Variants in RIC3 observed in about 807,000 individuals in gnomAD.
RIC3 encodes the protein RIC3 acetylcholine receptor chaperone.
Under a neutral mutation model 27.3 loss-of-function variants are expected in RIC3, and 28 were observed. The observed-to-expected ratio is 1.02, with a 90% CI of 0.76 to 1.41. The LOEUF (loss-of-function observed/expected upper bound fraction) is 1.41, where lower values mean the gene tolerates loss of function less well. RIC3 is among the 40% of genes most tolerant of loss of function. The pLI, the probability that RIC3 is intolerant of heterozygous loss-of-function variation, is 0.00. For synonymous variants in RIC3, 184 were observed against 160.4 expected (o/e 1.15, Z -1.11); for missense variants, 501 against 444.7 (o/e 1.13, Z -1.14).
chr11:8,159,466 A>G (rs1387902848), intron 1 of RIC3, among the ~76,000 whole-genome samples: 2 of 152,160 alleles, frequency 1.3e-5, no homozygotes, highest in Non-Finnish European at 2.9e-5. Flanking sequence ...GAGAGATGTG[A>G]GTTGACTTAA....
chr11:8,101,309 CCT>C (rs199774646), downstream of RIC3, among the ~76,000 whole-genome samples: 2,336 of 152,308 alleles, frequency 0.015, 64 homozygotes, highest in African/African-American at 0.053. Flanking sequence ...CCATCTGCCA[CCT>C]CTTTCCTGCC....
chr11:8,097,167 A>T, the RIC3 span: 275 of 1,582,578 alleles, frequency 1.7e-4, no homozygotes, highest in East Asian at 6.0e-3. Context: ...TGGATCCCAG[A>T]CCACCAATTT....
At chr11:8,162,626 CTTCTTTTTTTTTT>C (rs1330988318) in intron 1 of RIC3, among the ~76,000 whole-genome samples, 1 of 106,538 alleles carries the variant, frequency 9.4e-6, no homozygotes, top group Non-Finnish European at 1.9e-5. Flanking sequence ...CTCCATGCTT[CTTCTTTTTTTTTT>C]TTTTTTTTTT....
Position 8,110,732 on chromosome 11 carries a change from A to G in RIC3, c.1076T>C (p.Met359Thr). ...ISTDKAYTGSMLRKRNPQGLE is the reference protein window; with the variant it reads ...ISTDKAYTGSTLRKRNPQGLE ...ACCCTGGGGGTTACGCTTCCTCAGC[A>G]TGCTGCCTGTATATGCTTTATCGGT... The change falls in exon 6 of 6, where the codon ATG (methionine) becomes ACG (threonine). Residue 359 changes from methionine to threonine, a missense_variant. Transcript: ENST00000309737. 3 of 1,614,210 alleles carry G rather than the reference A, an allele frequency of 1.9e-6. No individual in the cohort carries two copies. The highest frequency in any genetic ancestry group is 1.1e-5 in the South Asian group (1 of 91,082).
At chr11:8,163,524 A>T (rs1175802373) in intron 1 of RIC3, among the ~76,000 whole-genome samples, 2 of 152,186 alleles carry the variant, frequency 1.3e-5, no homozygotes, top group East Asian at 3.8e-4. Flanking sequence ...AGACAAGTTC[A>T]GCGAGGTGAC....
At chr11:8,136,676 G>C (rs1032506073) in intron 4 of RIC3, among the ~76,000 whole-genome samples, 1 of 152,194 alleles carries the variant, frequency 6.6e-6, no homozygotes, top group African/African-American at 2.4e-5. Flanking sequence ...AAACATGAAT[G>C]CCTAATCTGA....
At chr11:8,159,026 C>T (rs1342225393) in intron 1 of RIC3, among the ~76,000 whole-genome samples, 3 of 150,690 alleles carry the variant, frequency 2.0e-5, no homozygotes, top group Admixed American at 1.3e-4. Flanking sequence ...CCACCGCGCT[C>T]GGCCACAGAG....
At chr11:8,124,108 AAAGCAAGCAAGCAAGCAAGC>A (rs201131362) in intron 5 of RIC3, among the ~76,000 whole-genome samples, 2 of 150,618 alleles carry the variant, frequency 1.3e-5, no homozygotes, top group Admixed American at 6.6e-5. Flanking sequence ...AGAAAAAGAG[AAAGCAAGCAAGCAAGCAAGC>A]AAGCAAGCAA....
In RIC3 at chr11:8,168,887, C is replaced by T; in HGVS notation, c.103G>A (p.Glu35Lys). Reference protein sequence around the residue: ...KAFLSRGKRQEPPPTPEGKLG... With the variant: ...KAFLSRGKRQKPPPTPEGKLG... ...TTACCTTCAGGTGTCGGCGGCGGCT[C>T]CTGCCGCTTCCCGCGGGACAGGAAG... Residue 35 changes from glutamate to lysine, a missense_variant, in exon 1 of 6, where the codon GAG (glutamate) becomes AAG (lysine). Glu to Lys is a moderately conservative substitution (Grantham distance 56). Transcript: ENST00000309737. 3 of 1,611,484 alleles carry T rather than the reference C, an allele frequency of 1.9e-6. No homozygotes were observed. The highest frequency in any genetic ancestry group is 2.5e-6 in the Non-Finnish European group (3 of 1,178,990).
At chr11:8,145,935 G>C (rs189290987) in intron 1 of RIC3, among the ~76,000 whole-genome samples, 2 of 152,230 alleles carry the variant, frequency 1.3e-5, no homozygotes, top group Admixed American at 1.3e-4. Context: ...ATGCACTGTG[G>C]GTAAGTGATA....
intron 4 of RIC3, among the ~76,000 whole-genome samples, chr11:8,129,765 C>G (rs1346838230): frequency 6.6e-6 from 1 of 152,192 alleles, no homozygotes; most frequent in African/African-American, 2.4e-5. Flanking sequence ...CAGGATACTG[C>G]AGCAGAGTCT....
chr11:8,115,735 A>C (rs1463012455), intron 5 of RIC3, among the ~76,000 whole-genome samples: 1 of 152,202 alleles, frequency 6.6e-6, no homozygotes, highest in Admixed American at 6.5e-5. Context: ...ACATTGATGA[A>C]AGAAATTGAA....
At chr11:8,097,633 G>C in the RIC3 span, 3 of 1,366,518 alleles carry the variant, frequency 2.2e-6, no homozygotes, top group Middle Eastern at 3.7e-4. Context: ...ACGCAACGGA[G>C]AGAGTCTGTG....
At chr11:8,112,225 A>AT (rs1945351106) in intron 5 of RIC3, among the ~76,000 whole-genome samples, 1 of 152,136 alleles carries the variant, frequency 6.6e-6, no homozygotes, top group East Asian at 1.9e-4. Context: ...CACTCATAAT[A>AT]ATTTGCTTTT....
chr11:8,145,143 C>T (rs1324491960), intron 1 of RIC3, among the ~76,000 whole-genome samples: 1 of 138,622 alleles, frequency 7.2e-6, no homozygotes, highest in Non-Finnish European at 1.5e-5. Flanking sequence ...AACTAACCTG[C>T]ACAATGTGCA....
In RIC3 at chr11:8,141,356, T is replaced by C. The variant is rs377694249; in HGVS notation, c.125-1163A>G. 6.4e-3 allele frequency among the ~76,000 whole-genome samples: 974 copies of C among 151,066 alleles called. 22 individuals are homozygous for C. The highest frequency in any genetic ancestry group is 0.051 in the Admixed American group (772 of 15,128). The stretch of plus-strand genomic sequence containing the variant: ...GAAGATCTACCAAGCAAATGGAAAA[T>C]AAAAAAAGGCAGGGGTTGCAGTCCT... On this transcript the variant is annotated intron_variant, in intron 1 of 5. Transcript: ENST00000309737.
chr11:8,155,534 C>T, intron 1 of RIC3, among the ~76,000 whole-genome samples: 1 of 152,076 alleles, frequency 6.6e-6, no homozygotes, highest in East Asian at 1.9e-4. Context: ...CAAAATCGCG[C>T]CACTGCACTC....
intron 1 of RIC3, among the ~76,000 whole-genome samples, chr11:8,145,768 T>A (rs1353958146): frequency 6.6e-6 from 1 of 151,740 alleles, no homozygotes; most frequent in Non-Finnish European, 1.5e-5. Flanking sequence ...TAAACAGGCA[T>A]GTATGAAAAA....
chr11:8,105,970 G>T (rs1300095170), downstream of RIC3: 1 of 152,208 alleles, frequency 6.6e-6, no homozygotes, highest in African/African-American at 2.4e-5. Context: ...GACTGTGTAT[G>T]TCTATTTGCA....
Sources: gnomAD v4.1 joint callset for allele counts (sites outside exome capture counted in the v4.1 genomes callset) on GRCh38, gnomAD v4.1.1 for gene constraint, MANE v1.5 for transcripts, NCBI Gene and HGNC (gene_info 2026-07-23, HGNC 2026-07-21) for gene names.